Variants in SH3RF1 observed in about 807,000 individuals in gnomAD.
SH3RF1 encodes the protein E3 ubiquitin-protein ligase SH3RF1.
A neutral mutation model predicts 74.0 loss-of-function variants in SH3RF1; 32 were observed. The observed-to-expected ratio is 0.43, with a 90% CI of 0.33 to 0.58. SH3RF1 has a LOEUF of 0.58. Among genes scored for constraint, SH3RF1 ranks in the 20% least tolerant of loss-of-function variants. SH3RF1 has a pLI of 0.05. For missense variants in SH3RF1, 954 were observed against 1,130.9 expected (o/e 0.84, Z 2.24); for synonymous variants, 396 against 439.6 (o/e 0.90, Z 1.24).
intron 2 of SH3RF1, among the ~76,000 whole-genome samples, chr4:169,217,998 C>G (rs993642941): frequency 2.6e-5 from 4 of 151,732 alleles, no homozygotes; most frequent in Non-Finnish European, 4.4e-5. Flanking sequence ...TTAGATTGAA[C>G]TTCCAGCAAG....
chr4:169,261,434 C>G (rs1731276925), intron 2 of SH3RF1, among the ~76,000 whole-genome samples: 1 of 152,280 alleles, frequency 6.6e-6, no homozygotes, highest in Non-Finnish European at 1.5e-5. Flanking sequence ...AAATGTTTGT[C>G]ACTTAAGTCA....
intron 2 of SH3RF1, among the ~76,000 whole-genome samples, chr4:169,240,525 A>G (rs1579157751): frequency 2.0e-5 from 3 of 152,320 alleles, no homozygotes; most frequent in Admixed American, 6.5e-5. Context: ...TTAAGAAAGC[A>G]GTTTGAGAAA....
rs140373899 is a variant in SH3RF1 at position 169,133,708 on chromosome 4, C to T, written c.1068+2610G>A. On this transcript the variant is annotated intron_variant, in intron 5 of 11. Coordinates refer to ENST00000284637, the MANE Select transcript of SH3RF1 (RefSeq NM_020870.4). ...AGGAGAATTGCTTGAACCCAGGAGACGGAGGTTGCAGTGAGCAGACAGTGC... is the reference window on the plus strand; with the variant it reads ...AGGAGAATTGCTTGAACCCAGGAGATGGAGGTTGCAGTGAGCAGACAGTGC... Among the ~76,000 whole-genome samples the T allele has an allele frequency of 4.6e-3, 691 of 151,752 alleles. 6 individuals carry two copies. The highest frequency in any genetic ancestry group is 0.015 in the African/African-American group (630 of 41,352).
intron 2 of SH3RF1, among the ~76,000 whole-genome samples, chr4:169,168,608 A>G (rs140483998): frequency 6.6e-6 from 1 of 152,370 alleles, no homozygotes; most frequent in East Asian, 1.9e-4. Flanking sequence ...GCTTAAACTC[A>G]TGCATGCATT....
At chr4:169,182,489 A>G (rs17627017) in intron 2 of SH3RF1, among the ~76,000 whole-genome samples, 17,185 of 152,234 alleles carry the variant, frequency 0.11, 992 homozygotes, top group Middle Eastern at 0.16. Context: ...AAATATTATG[A>G]TGAAGGTTTT....
chr4:169,165,551 T>C (rs889153260), intron 2 of SH3RF1, among the ~76,000 whole-genome samples: 3 of 149,898 alleles, frequency 2.0e-5, no homozygotes, highest in African/African-American at 7.3e-5. Flanking sequence ...TAGCAAGGTA[T>C]GGTGGCACGT....
chr4:169,157,747 CTT>C (rs34413899), intron 2 of SH3RF1, among the ~76,000 whole-genome samples: 18 of 145,030 alleles, frequency 1.2e-4, no homozygotes, highest in African/African-American at 2.0e-4. Context: ...CTTTTTTTTT[CTT>C]TTTTTTTTTT....
At chr4:169,228,025 C>T (rs573550263) in intron 2 of SH3RF1, among the ~76,000 whole-genome samples, 1 of 152,282 alleles carries the variant, frequency 6.6e-6, no homozygotes, top group East Asian at 1.9e-4. Context: ...CAACATAACG[C>T]ATTTTTAACT....
intron 2 of SH3RF1, among the ~76,000 whole-genome samples, chr4:169,207,917 C>A (rs1730287409): frequency 6.6e-6 from 1 of 152,010 alleles, no homozygotes; most frequent in Non-Finnish European, 1.5e-5. Flanking sequence ...CCTAATGACA[C>A]CATGGGGGGT....
At chr4:169,263,979 CAGA>C (rs1731316190) in intron 2 of SH3RF1, among the ~76,000 whole-genome samples, 1 of 152,134 alleles carries the variant, frequency 6.6e-6, no homozygotes, top group African/African-American at 2.4e-5. Flanking sequence ...TATTCCATGA[CAGA>C]ACACAGAAGG....
At chr4:169,167,521 C>A (rs546935449) in intron 2 of SH3RF1, among the ~76,000 whole-genome samples, 1 of 152,158 alleles carries the variant, frequency 6.6e-6, no homozygotes, top group African/African-American at 2.4e-5. Context: ...TTTATAATAC[C>A]AAACACTGAA....
chr4:169,252,384 T>C (rs1731119831), intron 2 of SH3RF1, among the ~76,000 whole-genome samples: 1 of 152,246 alleles, frequency 6.6e-6, no homozygotes, highest in African/African-American at 2.4e-5. Context: ...TGGAGTCAGA[T>C]ATACAATATT....
At chr4:169,270,565 T>A (rs933663276) in intron 1 of SH3RF1, among the ~76,000 whole-genome samples, 1 of 152,134 alleles carries the variant, frequency 6.6e-6, no homozygotes, top group Non-Finnish European at 1.5e-5. Context: ...CCAGCCAAGA[T>A]AAGGCGACAG....
chr4:169,161,985 AGCCTG>A (rs1734155662), intron 2 of SH3RF1, among the ~76,000 whole-genome samples: 1 of 152,144 alleles, frequency 6.6e-6, no homozygotes, highest in African/African-American at 2.4e-5. Flanking sequence ...GTTCAAGACC[AGCCTG>A]GATGACATGG....
At chr4:169,153,600 A>G (rs1447711521) in intron 4 of SH3RF1, among the ~76,000 whole-genome samples, 1 of 152,158 alleles carries the variant, frequency 6.6e-6, no homozygotes, top group African/African-American at 2.4e-5. Flanking sequence ...GTAGGTTGCA[A>G]TTGAAGTCTG....
At chr4:169,269,568 T>G in intron 1 of SH3RF1, 3 of 187,094 alleles carry the variant, frequency 1.6e-5, no homozygotes, top group Admixed American at 5.4e-5. Flanking sequence ...TATTACATAA[T>G]TCCCGCAGAA....
chr4:169,166,396 C>A, intron 2 of SH3RF1: 1 of 161,580 alleles, frequency 6.2e-6, no homozygotes, highest in South Asian at 1.7e-4. Flanking sequence ...AGGGGAAGCT[C>A]CACTGTGGCC....
chr4:169,263,028 C>T lies in SH3RF1; in HGVS notation c.393+5792G>A, dbSNP rs138924214. Among the ~76,000 whole-genome samples, 721 of 152,278 alleles carry T rather than the reference C, an allele frequency of 4.7e-3. 20 individuals carry two copies. The highest frequency in any genetic ancestry group is 2.2e-3 in the Non-Finnish European group (148 of 68,024). Reference sequence around the variant, plus strand: ...AAAACCCACCTTTTCCGTTTTAATTCAATCATTCTGAAACACACAGAAACA... The same window carrying T: ...AAAACCCACCTTTTCCGTTTTAATTTAATCATTCTGAAACACACAGAAACA... On this transcript the variant is annotated intron_variant, in intron 2 of 11. Transcript: ENST00000284637.
intron 6 of SH3RF1, among the ~76,000 whole-genome samples, chr4:169,127,131 G>A: frequency 6.6e-6 from 1 of 152,146 alleles, no homozygotes; most frequent in Admixed American, 6.5e-5. Flanking sequence ...ACTATTAATA[G>A]TTTGATGTCT....
Sources: gnomAD v4.1 joint callset for allele counts (sites outside exome capture counted in the v4.1 genomes callset) on GRCh38, gnomAD v4.1.1 for gene constraint, MANE v1.5 for transcripts, NCBI Gene and HGNC (gene_info 2026-07-23, HGNC 2026-07-21) for gene names.